The following SLCO3A1 variants were observed in gnomAD, a reference collection of about 807,000 sequenced individuals.
SLCO3A1 encodes the protein solute carrier organic anion transporter family member 3A1.
In SLCO3A1, 27 loss-of-function variants were observed where a neutral mutation model predicts 63.1. The ratio of observed to expected loss-of-function variants is 0.43; its 90% CI spans 0.32 to 0.59. The LOEUF is 0.59. Ranked by LOEUF, SLCO3A1 falls within the 20% of genes least tolerant of loss-of-function variation. The pLI, the probability that SLCO3A1 is intolerant of heterozygous loss-of-function variation, is 0.09. For synonymous variants in SLCO3A1, 473 were observed against 409.9 expected (o/e 1.15, Z -1.86); for missense variants, 773 against 945.8 (o/e 0.82, Z 2.40).
At chr15:91,957,051 A>AAT (rs1164839371) in intron 2 of SLCO3A1, among the ~76,000 whole-genome samples, 2 of 634 alleles carry the variant, frequency 3.2e-3, no homozygotes, top group Admixed American at 0.059. Context: ...GTATATATAT[A>AAT]ATATATACTA....
At position 91,954,944 on chromosome 15, in the gene SLCO3A1, G is replaced by T. The variant is rs1900120509; in HGVS notation, c.646+38486G>T. On this transcript the variant is annotated intron_variant, in intron 2 of 9. Transcript: ENST00000318445. This position sits in a 1 kb window ranked among gnomAD's most constrained non-coding sequence, Gnocchi z 4.7. ...TTCTTGGCTCTGTGCCCTGAGCCAT[G>T]TTCTCCTCTTGGCCTTGGGCTCTGA... Among the ~76,000 whole-genome samples, 1 of 152,106 alleles carries T rather than the reference G, an allele frequency of 6.6e-6. No individual in the cohort carries two copies. The highest frequency in any genetic ancestry group is 2.4e-5 in the African/African-American group (1 of 41,412).
At chr15:92,127,568 T>C (rs894762424) in intron 6 of SLCO3A1, among the ~76,000 whole-genome samples, 10 of 152,182 alleles carry the variant, frequency 6.6e-5, no homozygotes, top group African/African-American at 2.2e-4. Flanking sequence ...GTCACCTTTA[T>C]TATTATGAAG....
intron 2 of SLCO3A1, among the ~76,000 whole-genome samples, chr15:92,031,626 A>G (rs1841657415): frequency 6.6e-6 from 1 of 151,988 alleles, no homozygotes; most frequent in Admixed American, 6.5e-5. Context: ...CATCACCTTC[A>G]CTCTTGGGAG....
At chr15:92,153,473 T>G (rs1485505647) in intron 9 of SLCO3A1, 1 of 152,218 alleles carries the variant, frequency 6.6e-6, no homozygotes, top group Non-Finnish European at 1.5e-5. Flanking sequence ...GTCTTAGCAT[T>G]TGGCCTAATT....
rs915556043 is a variant in SLCO3A1, at chr15:91,941,942, G to A, written c.646+25484G>A. On this transcript the variant is annotated intron_variant, in intron 2 of 9. Coordinates refer to ENST00000318445, the MANE Select transcript of SLCO3A1 (RefSeq NM_013272.4). The surrounding 1 kb of genome is among the most constrained non-coding windows in gnomAD (Gnocchi z 4.4). ...GCTACAAATGGGGGCTTGCACCAGC[G>A]TACTGGCTGAGGACTGCCTGCCTTT... Among the ~76,000 whole-genome samples, 2 of 152,194 alleles carry A rather than the reference G, an allele frequency of 1.3e-5. No homozygotes were observed. Among genetic ancestry groups the A allele is most frequent in the Non-Finnish European group, 2.9e-5 (2 of 68,036 alleles).
intron 2 of SLCO3A1, among the ~76,000 whole-genome samples, chr15:92,086,096 G>A (rs1388658967): frequency 6.6e-6 from 1 of 152,192 alleles, no homozygotes; most frequent in Admixed American, 6.5e-5. Flanking sequence ...GCGCATTCTT[G>A]GATGCTTCTC....
chr15:92,164,916 C>T lies in SLCO3A1; in HGVS notation c.*1781C>T, dbSNP rs1399851252. On this transcript the variant is annotated 3_prime_UTR_variant, in exon 10 of 10. Transcript: ENST00000318445. ...TGCTAACTTACTCCTCATGCTGCTT[C>T]AGTGACCTTTGTTCATGTCACATTC... is the stretch of plus-strand genomic sequence containing the variant. 5 of 985,314 alleles carry T rather than the reference C, an allele frequency of 5.1e-6. No individual in the cohort carries two copies. Among genetic ancestry groups the T allele is most frequent in the Non-Finnish European group, 6.0e-6 (5 of 829,956 alleles). The allele number at this position is 985,314 out of a possible 1,614,324, so 61.0% of individuals were successfully genotyped here.
intron 4 of SLCO3A1, among the ~76,000 whole-genome samples, chr15:92,109,337 G>A (rs777119966): frequency 3.9e-5 from 6 of 152,168 alleles, no homozygotes; most frequent in South Asian, 2.1e-4. Context: ...AATAAGTGGC[G>A]TCAGCAGGTG....
intron 2 of SLCO3A1, among the ~76,000 whole-genome samples, chr15:91,973,490 G>C (rs980258133): frequency 1.3e-5 from 2 of 152,226 alleles, no homozygotes; most frequent in Admixed American, 6.5e-5. Flanking sequence ...CAGGAAGAAG[G>C]GGGGCTGAAG....
At chr15:92,157,149 A>G (rs2048380906) in intron 9 of SLCO3A1, 1 of 152,218 alleles carries the variant, frequency 6.6e-6, no homozygotes, top group Non-Finnish European at 1.5e-5. Flanking sequence ...TTGAGCCTGC[A>G]CATACCTTCC....
chr15:92,027,916 G>A (rs544704533), intron 2 of SLCO3A1, among the ~76,000 whole-genome samples: 163 of 152,366 alleles, frequency 1.1e-3, no homozygotes, highest in African/African-American at 3.8e-3. Context: ...GCAAGAGGAA[G>A]CTTAGGAGCA....
At chr15:91,978,819 C>T (rs1901220223) in intron 2 of SLCO3A1, among the ~76,000 whole-genome samples, 1 of 152,248 alleles carries the variant, frequency 6.6e-6, no homozygotes, top group Admixed American at 6.5e-5. Flanking sequence ...TCAGTATCAT[C>T]TAGTTCAAGG....
At chr15:91,976,135 G>T (rs2151432864) in intron 2 of SLCO3A1, among the ~76,000 whole-genome samples, 1 of 152,224 alleles carries the variant, frequency 6.6e-6, no homozygotes, top group South Asian at 2.1e-4. Context: ...CCACAGCCTG[G>T]GCTAGAAAGC....
intron 2 of SLCO3A1, among the ~76,000 whole-genome samples, chr15:92,092,478 G>T (rs1028645732): frequency 1.3e-5 from 2 of 152,022 alleles, no homozygotes; most frequent in Admixed American, 1.3e-4. Flanking sequence ...TTTTGGGAAG[G>T]CCTGAGCAGT....
chr15:92,003,989 C>A (rs1245595712), intron 2 of SLCO3A1, among the ~76,000 whole-genome samples: 1 of 152,188 alleles, frequency 6.6e-6, no homozygotes, highest in Non-Finnish European at 1.5e-5. Context: ...GATAATCGTC[C>A]AGATTAACTG....
At chr15:92,067,801 A>G (rs1157178363) in intron 2 of SLCO3A1, among the ~76,000 whole-genome samples, 2 of 148,568 alleles carry the variant, frequency 1.3e-5, no homozygotes, top group Non-Finnish European at 3.0e-5. Flanking sequence ...ACTGGGCAGC[A>G]TATAAACAAC....
chr15:91,906,006 C>T lies in SLCO3A1; in HGVS notation c.181-9987C>T, dbSNP rs964745910. ...GTGCTATGGGACCAGTGGGGTTGGG[C>T]GTCAATCCTGGCTCTGCACCTTAGC... On this transcript the variant is annotated intron_variant, in intron 1 of 9. Coordinates refer to ENST00000318445, the MANE Select transcript of SLCO3A1 (RefSeq NM_013272.4). Among the ~76,000 whole-genome samples the T allele has an allele frequency of 3.3e-5, 5 of 152,188 alleles. No homozygotes were observed. In the South Asian group the frequency reaches 6.2e-4, roughly 19 times the overall value.
chr15:91,974,274 A>ATTATTATTC (rs1901007540), intron 2 of SLCO3A1, among the ~76,000 whole-genome samples: 1 of 104,036 alleles, frequency 9.6e-6, no homozygotes, highest in Admixed American at 9.6e-5. Context: ...TGTTATTATT[A>ATTATTATTC]TTATTATTAT....
chr15:91,928,503 A>G (rs2151388647), intron 2 of SLCO3A1, among the ~76,000 whole-genome samples: 1 of 152,200 alleles, frequency 6.6e-6, no homozygotes, highest in African/African-American at 2.4e-5. Flanking sequence ...CTACCCCTCC[A>G]CCATCCCCAG....
Sources: allele counts gnomAD v4.1 joint callset (sites outside exome capture counted in the v4.1 genomes callset), GRCh38; gene constraint gnomAD v4.1.1; non-coding constraint Gnocchi (gnomAD v3.1); transcripts MANE v1.5; gene names NCBI Gene and HGNC (gene_info 2026-07-23, HGNC 2026-07-21).